KCNQ2: variants seen among roughly 807,000 people sequenced by gnomAD.
KCNQ2 encodes potassium voltage-gated channel subfamily KQT member 2.
In KCNQ2, 14 loss-of-function variants were observed where a neutral mutation model predicts 84.8. The observed-to-expected ratio is 0.17, with a 90% CI of 0.11 to 0.26. The LOEUF (loss-of-function observed/expected upper bound fraction) is 0.26. Ranked by LOEUF, KCNQ2 falls within the 10% of genes least tolerant of loss-of-function variation. KCNQ2 has a pLI of 1.00. For synonymous variants in KCNQ2, 599 were observed against 554.1 expected (o/e 1.08, Z -1.14); for missense variants, 788 against 1,254.0 (o/e 0.63, Z 5.61).
At chr20:63,433,592 G>T in intron 8 of KCNQ2, 1 of 853,138 alleles carries the variant, frequency 1.2e-6, no homozygotes, top group Non-Finnish European at 1.8e-6. Flanking sequence ...ATAAAGCAAA[G>T]GGGTGAGGAA....
chr20:63,429,726 C>T (rs147135603), intron 9 of KCNQ2, among the ~76,000 whole-genome samples: 386 of 152,282 alleles, frequency 2.5e-3, no homozygotes, highest in African/African-American at 8.0e-3. Flanking sequence ...ACCCTACTGC[C>T]GACTCCCACT....
chr20:63,417,403 G>C (rs3895449), intron 12 of KCNQ2, among the ~76,000 whole-genome samples: 1 of 152,190 alleles, frequency 6.6e-6, no homozygotes, highest in African/African-American at 2.4e-5. Context: ...CTCTCTCTGC[G>C]TTTCCACCCG....
chr20:63,433,635 C>T (rs1192373732), intron 8 of KCNQ2, 174 bp downstream of exon 8: 1 of 1,241,512 alleles, frequency 8.1e-7, no homozygotes, highest in Non-Finnish European at 1.1e-6. Context: ...AGCTCTAACA[C>T]AAAGGGCAGA....
Position 63,414,980 on chromosome 20 carries a change from C to G in KCNQ2, c.1448G>C (p.Ser483Thr). 1 of 1,612,168 alleles carries G rather than the reference C, an allele frequency of 6.2e-7. No individual in the cohort carries two copies. The highest frequency in any genetic ancestry group is 8.5e-7 in the Non-Finnish European group (1 of 1,179,980). ...LEDSPSKVPK[S>T]WSFGDRSRAR... is the part of the protein sequence containing the mutation. ...CCGGCTGCGGTCCCCGAAGCTCCAG[C>G]TCTTGGGCACCTTGCTGGGGCTGTC... is the stretch of plus-strand genomic sequence containing the variant. The change falls in exon 13 of 17, where the codon AGC becomes ACC. Residue 483 changes from serine to threonine, a missense_variant. This residue lies in a region of KCNQ2 where 202 missense variants were observed against 239.4 expected (regional missense o/e 0.84). Transcript: ENST00000359125. The surrounding 1 kb of genome is among the most constrained non-coding windows in gnomAD (Gnocchi z 6.6).
In KCNQ2 at chr20:63,434,184, C is replaced by A. The variant is rs2050484159; in HGVS notation, c.1024-281G>T. 5.4e-5 allele frequency: 27 copies of A among 504,400 alleles called. 1 individual carries two copies. The South Asian group carries it at 8.6e-4, about 16-fold the overall frequency. 31.2% of individuals were successfully genotyped at this position (504,400 alleles called of 1,614,324 possible). On this transcript the variant is annotated intron_variant, in intron 7 of 16. Coordinates refer to ENST00000359125, the MANE Select transcript of KCNQ2 (RefSeq NM_172107.4). ...GGCCCTGAGCGAGCTCGCAGGGAGGCTGTGTTCTTTCCTTTTCATGACTCT... is the reference window on the plus strand; with the variant it reads ...GGCCCTGAGCGAGCTCGCAGGGAGGATGTGTTCTTTCCTTTTCATGACTCT...
intron 1 of KCNQ2, among the ~76,000 whole-genome samples, chr20:63,468,085 A>T (rs751689315): frequency 2.0e-5 from 3 of 152,096 alleles, no homozygotes; most frequent in African/African-American, 4.8e-5. Context: ...GAGTAATTTC[A>T]CTTTAAATTA....
At chr20:63,436,270 G>A (rs939105942) in intron 7 of KCNQ2, among the ~76,000 whole-genome samples, 5 of 152,138 alleles carry the variant, frequency 3.3e-5, no homozygotes, top group East Asian at 3.8e-4. Context: ...AGTGGCTCAC[G>A]CCTGTAATCC....
intron 1 of KCNQ2, chr20:63,470,911 T>C (rs1357540488): frequency 6.6e-6 from 1 of 152,164 alleles, no homozygotes; most frequent in Non-Finnish European, 1.5e-5. Context: ...TCGGAGAAGC[T>C]TCTGCTTGGG....
At chr20:63,410,682 C>T (rs980554341) in intron 15 of KCNQ2, among the ~76,000 whole-genome samples, 7 of 152,186 alleles carry the variant, frequency 4.6e-5, no homozygotes, top group African/African-American at 1.2e-4. Flanking sequence ...GGGAGGAGCA[C>T]GGGGCTGACA....
At chr20:63,432,601 G>A (rs2080849943) in intron 8 of KCNQ2, among the ~76,000 whole-genome samples, 1 of 125,198 alleles carries the variant, frequency 8.0e-6, no homozygotes, top group African/African-American at 3.5e-5. Flanking sequence ...CACAGGGAAG[G>A]CTCCACCCAC....
At chr20:63,436,270 G>T (rs939105942) in intron 7 of KCNQ2, among the ~76,000 whole-genome samples, 1 of 152,138 alleles carries the variant, frequency 6.6e-6, no homozygotes, top group African/African-American at 2.4e-5. Context: ...AGTGGCTCAC[G>T]CCTGTAATCC....
In KCNQ2 at chr20:63,472,422, C is replaced by A; in HGVS notation, c.42G>T (p.Pro14=). Residue 14 remains proline, a synonymous_variant, in exon 1 of 17, where the codon CCG becomes CCT. Transcript: ENST00000359125. ...CCACCTTCAGCTTCTTCTCCCCGCTCGGGCCGGGGTATACGCCGCCGTTGC... is the reference window on the plus strand; with the variant it reads ...CCACCTTCAGCTTCTTCTCCCCGCTAGGGCCGGGGTATACGCCGCCGTTGC... ...KSRNGGVYPG[P]SGEKKLKVGF... is the part of the protein sequence containing the mutation. 8 of 1,538,292 alleles carry A rather than the reference C, an allele frequency of 5.2e-6. No individual in the cohort carries two copies. Among genetic ancestry groups the A allele is most frequent in the South Asian group, 1.2e-5 (1 of 82,832 alleles).
chr20:63,436,699 T>A (rs1385082150), intron 7 of KCNQ2, among the ~76,000 whole-genome samples: 1 of 152,112 alleles, frequency 6.6e-6, no homozygotes, highest in Non-Finnish European at 1.5e-5. Flanking sequence ...TAAGTGAAAG[T>A]ACGTGCAGTG....
Position 63,415,037 on chromosome 20 carries a change from C to T in KCNQ2, c.1391G>A (p.Arg464Lys). 1 of 1,609,414 alleles carries T rather than the reference C, an allele frequency of 6.2e-7. No individual in the cohort carries two copies. The highest frequency in any genetic ancestry group is 8.5e-7 in the Non-Finnish European group (1 of 1,179,922). The change falls in exon 13 of 17, where the codon AGG becomes AAG. Residue 464 changes from arginine to lysine, a missense_variant. By Grantham distance (26) the Arg-to-Lys change is conservative. Coordinates refer to ENST00000359125, the MANE Select transcript of KCNQ2 (RefSeq NM_172107.4). The part of the protein sequence containing the change: ...GKGSPQAQTV[R>K]RSPSADQSLE... ...GCTCTGGTCGGCGCTGGGTGACCGC[C>T]TCACAGTCTGGGCCTGCGGGGACCC...
intron 9 of KCNQ2, among the ~76,000 whole-genome samples, chr20:63,429,993 G>A (rs2080745943): frequency 1.3e-5 from 2 of 152,226 alleles, no homozygotes; most frequent in African/African-American, 4.8e-5. Context: ...GTGAGCTGGT[G>A]TTGTGGGCGC....
intron 1 of KCNQ2, among the ~76,000 whole-genome samples, chr20:63,450,706 G>A (rs1202929895): frequency 1.3e-5 from 2 of 151,616 alleles, no homozygotes; most frequent in African/African-American, 4.9e-5. Flanking sequence ...GAGGCTGCGG[G>A]GGCTTGGAAG....
chr20:63,424,795 G>C (rs73918912), intron 10 of KCNQ2, among the ~76,000 whole-genome samples: 1 of 152,310 alleles, frequency 6.6e-6, no homozygotes, highest in African/African-American at 2.4e-5. Context: ...GGCTGTTTCC[G>C]CGGGTAAAGG....
At chr20:63,454,526 G>A (rs1484341550) in intron 1 of KCNQ2, among the ~76,000 whole-genome samples, 1 of 152,198 alleles carries the variant, frequency 6.6e-6, no homozygotes, top group African/African-American at 2.4e-5. Flanking sequence ...GACAGACCAG[G>A]GAAGAAACCT....
chr20:63,411,698 G>A (rs2080125609), intron 15 of KCNQ2: 1 of 556,026 alleles, frequency 1.8e-6, no homozygotes, highest in Non-Finnish European at 3.2e-6. Flanking sequence ...GGTGGTACAA[G>A]GTGCTGCCGT....
Sources: gnomAD v4.1 joint callset for allele counts (sites outside exome capture counted in the v4.1 genomes callset) on GRCh38, gnomAD v4.1.1 for gene constraint, gnomAD v4.1.1 regional missense constraint, Gnocchi (gnomAD v3.1) non-coding constraint, MANE v1.5 for transcripts, NCBI Gene and HGNC (gene_info 2026-07-23, HGNC 2026-07-21) for gene names.